Variants in PCDH11X observed in about 807,000 individuals in gnomAD.
PCDH11X encodes the protein protocadherin-11 X-linked.
PCDH11X carries 18 observed loss-of-function variants against 53.3 expected under a neutral mutation model. The observed-to-expected ratio is 0.34, with a 90% CI of 0.23 to 0.50. The LOEUF (loss-of-function observed/expected upper bound fraction) is 0.50. Ranked by LOEUF, PCDH11X falls within the 20% of genes least tolerant of loss-of-function variation. The probability of loss-of-function intolerance (pLI) is 0.98; values close to 1 mark genes in which losing one functional copy is unlikely to be tolerated. For synonymous variants in PCDH11X, 279 were observed against 393.3 expected, an observed-to-expected ratio of 0.71 and a Z score of 3.44; for missense variants, 570 against 1,032.4, an observed-to-expected ratio of 0.55 and a Z score of 6.14.
rs537844332 is a variant in PCDH11X at position 92,408,601 on chromosome X, C to T, written c.3343+20668C>T. ...ATTTTCTTTATTTTATTTTTTGAGA[C>T]GGAGTCTCACTCTGTTGCTCAGGCT... On this transcript the variant is annotated intron_variant, in intron 9 of 10. Transcript: ENST00000682573. Among the ~76,000 whole-genome samples the T allele has an allele frequency of 9.4e-4, 104 of 110,471 alleles. 1 individual carries two copies. In the South Asian group the frequency reaches 0.028, roughly 30 times the overall value.
At chrX:92,445,481 A>G (rs1280484448) in intron 9 of PCDH11X, among the ~76,000 whole-genome samples, 2 of 106,111 alleles carry the variant, frequency 1.9e-5, no homozygotes, top group Non-Finnish European at 3.9e-5. Flanking sequence ...TAGTTCCAAC[A>G]TGGATTTTAA....
intron 8 of PCDH11X, among the ~76,000 whole-genome samples, chrX:92,322,891 T>C (rs2069246743): frequency 9.0e-6 from 1 of 111,192 alleles, no homozygotes; most frequent in African/African-American, 3.3e-5. Flanking sequence ...AGTGGTATTA[T>C]GTCCTTTAGA....
intron 10 of PCDH11X, among the ~76,000 whole-genome samples, chrX:92,502,357 T>TAA (rs200862333): frequency 5.3e-4 from 55 of 103,760 alleles, no homozygotes; most frequent in South Asian, 3.9e-3. Context: ...TTCACGGAAT[T>TAA]AAAAAAAAAA....
intron 6 of PCDH11X, among the ~76,000 whole-genome samples, chrX:91,966,716 C>T (rs888481615): frequency 6.3e-5 from 7 of 110,765 alleles, no homozygotes; most frequent in Non-Finnish European, 1.1e-4. Flanking sequence ...TGAAAAGCTA[C>T]CCGGTATTTT....
chrX:92,390,533 C>A (rs1266689101), intron 9 of PCDH11X, among the ~76,000 whole-genome samples: 1 of 109,355 alleles, frequency 9.1e-6, no homozygotes, highest in Non-Finnish European at 1.9e-5. Flanking sequence ...AAATAGCACC[C>A]AATAATGGGT....
intron 7 of PCDH11X, among the ~76,000 whole-genome samples, chrX:92,212,810 C>T (rs1280469366): frequency 8.9e-6 from 1 of 111,855 alleles, no homozygotes; most frequent in African/African-American, 3.3e-5. Flanking sequence ...GATACTCACA[C>T]TTTAAAAAAA....
intron 6 of PCDH11X, chrX:91,882,837 A>G: frequency 1.7e-6 from 2 of 1,165,521 alleles, no homozygotes; most frequent in Non-Finnish European, 2.3e-6. Flanking sequence ...ACCATGAAGC[A>G]TGCTTGGCAA....
At chrX:91,919,365 A>G (rs1454318187) in intron 6 of PCDH11X, among the ~76,000 whole-genome samples, 3 of 111,968 alleles carry the variant, frequency 2.7e-5, no homozygotes, top group Non-Finnish European at 5.7e-5. Flanking sequence ...GTTTCTAGAG[A>G]CAATATTTTA....
intron 8 of PCDH11X, among the ~76,000 whole-genome samples, chrX:92,375,174 T>A (rs868647951): frequency 1.7e-3 from 38 of 22,770 alleles, no homozygotes; most frequent in Non-Finnish European, 2.2e-3. Context: ...ATATTTTTTT[T>A]TTTTTTTTTT....
At chrX:92,535,965 A>T (rs1477668341) in intron 10 of PCDH11X, among the ~76,000 whole-genome samples, 1 of 107,517 alleles carries the variant, frequency 9.3e-6, no homozygotes, top group Non-Finnish European at 1.9e-5. Context: ...TTTGGTCATT[A>T]AAAAGTATTT....
At chrX:92,192,832 A>T (rs760359743) in intron 6 of PCDH11X, among the ~76,000 whole-genome samples, 50 of 109,276 alleles carry the variant, frequency 4.6e-4, no homozygotes, top group Admixed American at 2.2e-3. Flanking sequence ...TCTGTCTCCC[A>T]GATTCAAGCA....
chrX:92,570,998 T>A (rs1922147094), intron 10 of PCDH11X, among the ~76,000 whole-genome samples: 1 of 112,265 alleles, frequency 8.9e-6, no homozygotes, highest in Non-Finnish European at 1.9e-5. Flanking sequence ...TTAAATTGAA[T>A]TGTAAAGATA....
intron 9 of PCDH11X, among the ~76,000 whole-genome samples, chrX:92,414,081 G>A (rs2071751026): frequency 9.2e-6 from 1 of 108,636 alleles, no homozygotes; most frequent in Non-Finnish European, 1.9e-5. Context: ...TCAGGTACTT[G>A]GTTAAAACTA....
chrX:92,306,572 G>A (rs1271712394), intron 8 of PCDH11X, among the ~76,000 whole-genome samples: 1 of 107,574 alleles, frequency 9.3e-6, no homozygotes, highest in Non-Finnish European at 1.9e-5. Context: ...ATGAAAGAGA[G>A]AGATAGGAAG....
chrX:92,611,172 A>C (rs1158449546), intron 10 of PCDH11X, among the ~76,000 whole-genome samples: 1 of 109,951 alleles, frequency 9.1e-6, no homozygotes, highest in Non-Finnish European at 1.9e-5. Flanking sequence ...AGAGTGTTGA[A>C]TCTGTATTTT....
Position 92,042,053 on chromosome X carries a change from T to C in PCDH11X, c.3034-159322T>C, listed in dbSNP as rs1299073319. Among the ~76,000 whole-genome samples the C allele has an allele frequency of 1.4e-4, 16 of 111,905 alleles. 1 individual carries two copies. The highest frequency in any genetic ancestry group is 1.9e-5 in the Non-Finnish European group (1 of 53,211). The stretch of plus-strand genomic sequence containing the variant: ...TTGATAAATCAATTTTAATAAATAG[T>C]ATAAAATCCTAAAACAACTAAAGTA... On this transcript the variant is annotated intron_variant, in intron 6 of 10. Transcript: ENST00000682573.
At chrX:92,009,970 G>T (rs1340133029) in intron 6 of PCDH11X, among the ~76,000 whole-genome samples, 1 of 110,571 alleles carries the variant, frequency 9.0e-6, no homozygotes, top group Non-Finnish European at 1.9e-5. Context: ...CTCCCAAAGG[G>T]CTGGGATTAC....
chrX:92,005,351 T>G, intron 6 of PCDH11X, among the ~76,000 whole-genome samples: 1 of 111,610 alleles, frequency 9.0e-6, no homozygotes, highest in African/African-American at 3.3e-5. Context: ...TTATTTTTTA[T>G]GTATCCATTA....
At chrX:92,037,306 G>A (rs1434505926) in intron 6 of PCDH11X, among the ~76,000 whole-genome samples, 60 of 109,748 alleles carry the variant, frequency 5.5e-4, no homozygotes, top group African/African-American at 1.9e-3. Flanking sequence ...GGGAACATGT[G>A]GTTTTTGGTT....
Sources: gnomAD v4.1 joint callset for allele counts (sites outside exome capture counted in the v4.1 genomes callset) on GRCh38, gnomAD v4.1.1 for gene constraint, MANE v1.5 for transcripts, NCBI Gene and HGNC (gene_info 2026-07-23, HGNC 2026-07-21) for gene names.